The following DOCK2 variants were observed in gnomAD, a reference collection of about 807,000 sequenced individuals.
The protein encoded by DOCK2 is dedicator of cytokinesis 2.
Under a neutral mutation model 248.9 loss-of-function variants are expected in DOCK2, and 87 were observed. That is an observed-to-expected ratio of 0.35 (90% CI 0.29 to 0.42). DOCK2 has a LOEUF of 0.42. Among genes scored for constraint, DOCK2 ranks in the 10% least tolerant of loss-of-function variants. The pLI is 1.00. For missense variants in DOCK2, 1,747 were observed against 2,300.2 expected (o/e 0.76, Z 4.92); for synonymous variants, 805 against 821.6 (o/e 0.98, Z 0.35).
intron 33 of DOCK2, among the ~76,000 whole-genome samples, chr5:170,024,414 A>G (rs111686700): frequency 3.1e-4 from 39 of 126,492 alleles, no homozygotes; most frequent in African/African-American, 1.2e-3. Context: ...CCAAGGTCCT[A>G]CGTTGCCTCA....
chr5:169,973,521 A>G (rs1477720588), intron 27 of DOCK2, among the ~76,000 whole-genome samples: 1 of 152,148 alleles, frequency 6.6e-6, no homozygotes, highest in African/African-American at 2.4e-5. Context: ...CCATTCACAA[A>G]GAGAGAACTG....
At chr5:170,076,383 T>A (rs1405818452) in intron 47 of DOCK2, among the ~76,000 whole-genome samples, 1 of 152,224 alleles carries the variant, frequency 6.6e-6, no homozygotes, top group African/African-American at 2.4e-5. Flanking sequence ...CCAGGCCTGA[T>A]TCAAGCACTT....
intron 25 of DOCK2, among the ~76,000 whole-genome samples, chr5:169,769,416 T>C (rs1260983581): frequency 6.6e-6 from 1 of 152,198 alleles, no homozygotes; most frequent in Non-Finnish European, 1.5e-5. Context: ...ATCGCCTTCC[T>C]TTCTGAGGAG....
chr5:169,889,839 G>A (rs995088685), intron 27 of DOCK2, among the ~76,000 whole-genome samples: 6 of 152,188 alleles, frequency 3.9e-5, no homozygotes, highest in African/African-American at 7.2e-5. Context: ...GACAACCTCC[G>A]CTTTAGGCAC....
chr5:169,991,143 G>C (rs2113793376), intron 29 of DOCK2, among the ~76,000 whole-genome samples: 1 of 152,368 alleles, frequency 6.6e-6, no homozygotes. Flanking sequence ...ACCCTGGCAG[G>C]CTTGCAGCGC....
intron 23 of DOCK2, among the ~76,000 whole-genome samples, chr5:169,748,370 G>A (rs1268553736): frequency 1.3e-5 from 2 of 152,000 alleles, no homozygotes; most frequent in African/African-American, 2.4e-5. Flanking sequence ...AATTGTGTGG[G>A]GATCTTTAAT....
In DOCK2 at chr5:169,763,550, C is replaced by T. The variant is rs568899719; in HGVS notation, c.2554+1925C>T. Among the ~76,000 whole-genome samples, 4 of 152,170 alleles carry T rather than the reference C, an allele frequency of 2.6e-5. No individual in the cohort carries two copies. Among genetic ancestry groups the T allele is most frequent in the East Asian group, 1.9e-4 (1 of 5,184 alleles). On this transcript the variant is annotated intron_variant, in intron 25 of 51. Transcript: ENST00000520908. The surrounding 1 kb of genome is among the most constrained non-coding windows in gnomAD (Gnocchi z 4.1). The stretch of plus-strand genomic sequence containing the variant: ...GTGTCAATTCCAGCCTCTTGGAAGT[C>T]GGAGTAATTCCTTGACTGCAGCCAC...
chr5:169,650,055 C>T (rs1356117226), intron 1 of DOCK2, among the ~76,000 whole-genome samples: 1 of 152,152 alleles, frequency 6.6e-6, no homozygotes, highest in African/African-American at 2.4e-5. Flanking sequence ...CCACCTGCCT[C>T]CCCTAGTGTT....
intron 26 of DOCK2, among the ~76,000 whole-genome samples, chr5:169,803,498 C>T (rs1236339879): frequency 3.9e-5 from 6 of 152,216 alleles, no homozygotes; most frequent in East Asian, 1.9e-4. Flanking sequence ...CACGTACTCA[C>T]GCCCTAGTTT....
Position 170,083,077 on chromosome 5 carries a change from C to T in DOCK2, c.*219C>T, listed in dbSNP as rs192346052. 1.4e-4 allele frequency: 82 copies of T among 570,616 alleles called. 1 individual carries two copies. In the East Asian group the frequency reaches 2.2e-3, roughly 15 times the overall value. 35.3% of individuals were successfully genotyped at this position (570,616 alleles called of 1,614,324 possible). A position where few individuals can be genotyped will look rare whatever the true frequency, so the allele number is the denominator to read the frequency against. ...ATCATGGTGGATGAGGAAGCCTCAA[C>T]GTAGATTCCTGAACTCAAGGTACCA... On this transcript the variant is annotated 3_prime_UTR_variant, in exon 52 of 52. Coordinates refer to ENST00000520908, the MANE Select transcript of DOCK2 (RefSeq NM_004946.3).
intron 27 of DOCK2, chr5:169,864,239 G>A: frequency 6.6e-7 from 1 of 1,523,888 alleles, no homozygotes; most frequent in Non-Finnish European, 8.9e-7. Flanking sequence ...GGAAGTGCGT[G>A]GAGTTGGGGG....
chr5:169,906,402 T>C (rs1171684425), intron 27 of DOCK2, among the ~76,000 whole-genome samples: 1 of 152,200 alleles, frequency 6.6e-6, no homozygotes, highest in Non-Finnish European at 1.5e-5. Context: ...CCACCATCAT[T>C]TGGGCTTGGT....
chr5:169,646,464 T>C (rs1238400697), intron 1 of DOCK2, among the ~76,000 whole-genome samples: 1 of 152,208 alleles, frequency 6.6e-6, no homozygotes, highest in Non-Finnish European at 1.5e-5. Context: ...ATTCCCTCTA[T>C]TTTATGGAAG....
rs746230074 is a variant in DOCK2 at position 170,080,212 on chromosome 5, C to A, written c.5216C>A (p.Ala1739Glu). ...AGTGACACCAACCTCTCGGAGCATGCGGCCATCCCCCTCAAGGCGTCTGTC... is the reference window on the plus strand; with the variant it reads ...AGTGACACCAACCTCTCGGAGCATGAGGCCATCCCCCTCAAGGCGTCTGTC... ...FMSDTNLSEHAAIPLKASVLS... is the reference protein window; with the variant it reads ...FMSDTNLSEHEAIPLKASVLS... The change falls in exon 50 of 52, where the codon GCG (alanine) becomes GAG (glutamate). Residue 1739 changes from alanine (A) to glutamate (E), a missense_variant. Ala to Glu is a moderately radical substitution (Grantham distance 107, BLOSUM62 -1). This residue lies in a region of DOCK2 where 513 missense variants were observed against 586.1 expected (regional missense o/e 0.88). Coordinates refer to ENST00000520908, the MANE Select transcript of DOCK2 (RefSeq NM_004946.3). The A allele has an allele frequency of 6.2e-7, 1 of 1,613,970 alleles. No individual in the cohort carries two copies. The highest frequency in any genetic ancestry group is 8.5e-7 in the Non-Finnish European group (1 of 1,180,040).
At chr5:169,779,957 G>A (rs1306880095) in intron 25 of DOCK2, among the ~76,000 whole-genome samples, 2 of 151,132 alleles carry the variant, frequency 1.3e-5, no homozygotes, top group East Asian at 1.9e-4. Context: ...TGCCCTCCCA[G>A]AGAGAGCTCT....
intron 27 of DOCK2, among the ~76,000 whole-genome samples, chr5:169,964,039 G>A (rs1450132068): frequency 6.6e-6 from 1 of 152,082 alleles, no homozygotes; most frequent in East Asian, 1.9e-4. Context: ...AGGGAGAAGG[G>A]GGAGGAGAAT....
At chr5:169,993,997 G>A (rs556721125) in intron 29 of DOCK2, among the ~76,000 whole-genome samples, 1 of 152,252 alleles carries the variant, frequency 6.6e-6, no homozygotes, top group African/African-American at 2.4e-5. Context: ...TACCAAAATT[G>A]TTTCCTTTTT....
chr5:169,680,748 A>C lies in DOCK2; in HGVS notation c.471-996A>C, dbSNP rs981848952. On this transcript the variant is annotated intron_variant, in intron 6 of 51. Transcript: ENST00000520908. The stretch of plus-strand genomic sequence containing the variant: ...TAAAAAAAAAATTAAATAAATTGAG[A>C]CAAGGCACATGTAACCTTTGACCCC... 2.0e-5 allele frequency among the ~76,000 whole-genome samples: 3 copies of C among 151,930 alleles called. No individual in the cohort carries two copies. In the East Asian group the frequency reaches 5.8e-4, roughly 29 times the overall value.
intron 3 of DOCK2, among the ~76,000 whole-genome samples, chr5:169,669,582 A>G (rs1194362164): frequency 6.6e-6 from 1 of 151,636 alleles, no homozygotes; most frequent in Non-Finnish European, 1.5e-5. Context: ...CTCACTTATG[A>G]TTTCTCCCTT....
Sources: allele counts gnomAD v4.1 joint callset (sites outside exome capture counted in the v4.1 genomes callset), GRCh38; gene constraint gnomAD v4.1.1; regional missense constraint gnomAD v4.1.1; non-coding constraint Gnocchi (gnomAD v3.1); transcripts MANE v1.5; gene names NCBI Gene and HGNC (gene_info 2026-07-23, HGNC 2026-07-21).